The following SDK1 variants were observed in gnomAD, a reference collection of about 807,000 sequenced individuals.
SDK1 encodes the protein sidekick cell adhesion molecule 1.
A neutral mutation model predicts 245.5 loss-of-function variants in SDK1; 157 were observed. The observed-to-expected ratio is 0.64, with a 90% CI of 0.56 to 0.73. SDK1 has a LOEUF of 0.73. SDK1 is among the 30% of genes least tolerant of loss of function. The probability of loss-of-function intolerance (pLI) is 0.00; values close to 1 mark genes in which losing one functional copy is unlikely to be tolerated. For missense variants in SDK1, 3,583 were observed against 3,002.3 expected, an observed-to-expected ratio of 1.19 and a Z score of -4.52; for synonymous variants, 1,647 against 1,278.5, an observed-to-expected ratio of 1.29 and a Z score of -6.15.
At chr7:3,730,497 G>A (rs893914932) in intron 4 of SDK1, among the ~76,000 whole-genome samples, 3 of 152,306 alleles carry the variant, frequency 2.0e-5, no homozygotes, top group East Asian at 1.9e-4. Flanking sequence ...TAATAGAGAT[G>A]TGAATGAGAA....
chr7:4,164,488 C>T (rs554443681), intron 32 of SDK1, among the ~76,000 whole-genome samples: 1 of 152,330 alleles, frequency 6.6e-6, no homozygotes, highest in Non-Finnish European at 1.5e-5. Context: ...TGCAAAGTCC[C>T]AAGTGCTCGT....
chr7:3,346,830 T>A (rs1469171579), intron 1 of SDK1, among the ~76,000 whole-genome samples: 11 of 107,514 alleles, frequency 1.0e-4, no homozygotes, highest in Non-Finnish European at 1.3e-4. Context: ...TATATATATT[T>A]TTTTTTTTTT....
At chr7:4,208,604 G>A (rs1009526495) in intron 37 of SDK1, among the ~76,000 whole-genome samples, 1 of 152,228 alleles carries the variant, frequency 6.6e-6, no homozygotes, top group African/African-American at 2.4e-5. Context: ...ATAACTGACA[G>A]CATCCATTCC....
At chr7:4,255,791 A>G (rs1787583901) in intron 44 of SDK1, among the ~76,000 whole-genome samples, 1 of 151,992 alleles carries the variant, frequency 6.6e-6, no homozygotes, top group South Asian at 2.1e-4. Flanking sequence ...GGGGAATTGG[A>G]TAGGGAGAGC....
At chr7:3,904,597 A>T (rs1251931944) in intron 5 of SDK1, among the ~76,000 whole-genome samples, 2 of 152,178 alleles carry the variant, frequency 1.3e-5, no homozygotes, top group Non-Finnish European at 2.9e-5. Context: ...CAGAAGGCTG[A>T]TGTGGAGGAT....
chr7:4,032,720 A>G (rs1300184632), intron 17 of SDK1, among the ~76,000 whole-genome samples: 3 of 152,246 alleles, frequency 2.0e-5, no homozygotes, highest in Non-Finnish European at 4.4e-5. Flanking sequence ...GATCCCATTT[A>G]CAATAACAGA....
intron 1 of SDK1, among the ~76,000 whole-genome samples, chr7:3,387,735 T>A (rs1781645009): frequency 6.6e-6 from 1 of 152,194 alleles, no homozygotes; most frequent in South Asian, 2.1e-4. Flanking sequence ...TTGTTACCTG[T>A]CTATTACCAC....
At chr7:3,901,344 G>A (rs558008867) in intron 5 of SDK1, among the ~76,000 whole-genome samples, 3 of 151,954 alleles carry the variant, frequency 2.0e-5, no homozygotes, top group East Asian at 1.9e-4. Context: ...GTGCCACCAC[G>A]CCCGGTTAAT....
At chr7:3,421,324 C>T (rs929857840) in intron 1 of SDK1, among the ~76,000 whole-genome samples, 1 of 152,086 alleles carries the variant, frequency 6.6e-6, no homozygotes, top group Non-Finnish European at 1.5e-5. Context: ...CGCCTGCCCT[C>T]CTCGGCCTCC....
chr7:3,794,760 A>G (rs763354090), intron 4 of SDK1, among the ~76,000 whole-genome samples: 1 of 152,190 alleles, frequency 6.6e-6, no homozygotes. Context: ...ACCCAATTTC[A>G]GAAACAGAAA....
chr7:4,051,759 C>G lies in SDK1; in HGVS notation c.2840C>G (p.Ser947Cys). ...NLKKFTAYFT[S>C]VLCFTTPGDG... ...AAGAAGTTTACCGCCTACTTCACTT[C>G]CGTTCTGTGCTTCACCACCCCTGGG... is the stretch of plus-strand genomic sequence containing the variant. The change falls in exon 19 of 45, where the codon TCC becomes TGC. Residue 947 changes from serine to cysteine, a missense_variant. Physicochemically the swap from Ser to Cys is moderately radical, Grantham distance 112. Coordinates refer to ENST00000404826, the MANE Select transcript of SDK1 (RefSeq NM_152744.4). 1 of 1,614,038 alleles carries G rather than the reference C, an allele frequency of 6.2e-7. No homozygotes were observed. The highest frequency in any genetic ancestry group is 8.5e-7 in the Non-Finnish European group (1 of 1,179,958).
At chr7:4,262,852 C>T (rs1180643853) in intron 44 of SDK1, among the ~76,000 whole-genome samples, 1 of 23,978 alleles carries the variant, frequency 4.2e-5, no homozygotes, top group Admixed American at 2.7e-4. Context: ...CACCTCCCCA[C>T]CCCCTCCCCT....
chr7:3,506,097 A>G (rs937503612), intron 1 of SDK1, among the ~76,000 whole-genome samples: 3 of 152,076 alleles, frequency 2.0e-5, no homozygotes, highest in African/African-American at 7.2e-5. Context: ...TTGTAGATGC[A>G]AGTTTTCATC....
intron 5 of SDK1, among the ~76,000 whole-genome samples, chr7:3,939,057 A>C (rs1291966061): frequency 6.6e-6 from 1 of 152,248 alleles, no homozygotes; most frequent in Non-Finnish European, 1.5e-5. Context: ...TGCGTGAAAG[A>C]GAGAATTGGA....
intron 4 of SDK1, among the ~76,000 whole-genome samples, chr7:3,735,763 A>G (rs1309379076): frequency 6.6e-6 from 1 of 152,162 alleles, no homozygotes; most frequent in East Asian, 1.9e-4. Context: ...TGGCTGCACC[A>G]TTTTACATTT....
chr7:3,555,000 C>G (rs1779542319), intron 1 of SDK1, among the ~76,000 whole-genome samples: 1 of 152,100 alleles, frequency 6.6e-6, no homozygotes, highest in Non-Finnish European at 1.5e-5. Context: ...TTCAAATGTC[C>G]ATATTACCCA....
intron 28 of SDK1, among the ~76,000 whole-genome samples, chr7:4,143,050 A>G (rs10266662): frequency 0.014 from 2,079 of 152,242 alleles, 63 homozygotes; most frequent in African/African-American, 0.048. Context: ...TCCTGTTCTG[A>G]GGCACACGCT....
chr7:3,908,124 C>T (rs1268002377), intron 5 of SDK1, among the ~76,000 whole-genome samples: 1 of 152,114 alleles, frequency 6.6e-6, no homozygotes, highest in African/African-American at 2.4e-5. Flanking sequence ...TTCTGTGATA[C>T]ACACAGAGAA....
chr7:3,347,439 G>A (rs889562032), intron 1 of SDK1, among the ~76,000 whole-genome samples: 5 of 152,106 alleles, frequency 3.3e-5, no homozygotes, highest in South Asian at 2.1e-4. Context: ...ACCTGATGAA[G>A]TTGGAACAAA....
Sources: gnomAD v4.1 joint callset for allele counts (sites outside exome capture counted in the v4.1 genomes callset) on GRCh38, gnomAD v4.1.1 for gene constraint, MANE v1.5 for transcripts, NCBI Gene and HGNC (gene_info 2026-07-23, HGNC 2026-07-21) for gene names.